Variants in POC1A observed in about 807,000 individuals in gnomAD.
POC1A encodes the protein POC1 centriolar protein A.
POC1A carries 34 observed loss-of-function variants against 47.8 expected under a neutral mutation model. That is an observed-to-expected ratio of 0.71 (90% CI 0.54 to 0.95). POC1A has a LOEUF of 0.95. Among genes scored for constraint, POC1A ranks in the 40% least tolerant of loss-of-function variants. The pLI is 0.00. For synonymous variants in POC1A, 177 were observed against 207.6 expected (o/e 0.85, Z 1.27); for missense variants, 466 against 528.3 (o/e 0.88, Z 1.16).
At chr3:52,081,041 C>G (rs753007996) in intron 10 of POC1A, among the ~76,000 whole-genome samples, 1 of 152,230 alleles carries the variant, frequency 6.6e-6, no homozygotes, top group Non-Finnish European at 1.5e-5. Flanking sequence ...CCTGGGGGCT[C>G]ATTTCTGAAC....
chr3:52,114,260 G>A (rs1703481158), intron 9 of POC1A, among the ~76,000 whole-genome samples: 1 of 152,204 alleles, frequency 6.6e-6, no homozygotes, highest in Admixed American at 6.5e-5. Context: ...CTCATACCAG[G>A]AAGGTGCCTA....
In POC1A at chr3:52,096,580, C is replaced by A; in HGVS notation, c.1114G>T (p.Val372Phe). ...TLEHIVGQLD[V>F]LTQTVSILEQ... ...ACAGTGTGGCCTACCTGAGTGAGGA[C>A]ATCCAGCTGGCCCACAATGTGCTCC... Residue 372 changes from valine to phenylalanine, a missense_variant, in exon 10 of 11, where the codon GTC (valine) becomes TTC (phenylalanine). Coordinates refer to ENST00000296484, the MANE Select transcript of POC1A (RefSeq NM_015426.5). 6.3e-7 allele frequency: 1 copy of A among 1,581,548 alleles called. No homozygotes were observed. Among genetic ancestry groups the A allele is most frequent in the Non-Finnish European group, 8.6e-7 (1 of 1,166,064 alleles).
At chr3:52,095,632 G>A (rs1041827011) in intron 10 of POC1A, among the ~76,000 whole-genome samples, 10 of 152,076 alleles carry the variant, frequency 6.6e-5, no homozygotes, top group African/African-American at 2.4e-4. Context: ...GATCTGCAGA[G>A]TCCCAGCCTG....
chr3:52,127,026 C>T (rs1704028901), intron 7 of POC1A, among the ~76,000 whole-genome samples: 1 of 152,322 alleles, frequency 6.6e-6, no homozygotes, highest in East Asian at 1.9e-4. Flanking sequence ...AAAGACAAAG[C>T]CTCTGGCCTA....
At chr3:52,121,324 T>A (rs1480109944) in intron 9 of POC1A, among the ~76,000 whole-genome samples, 7 of 152,100 alleles carry the variant, frequency 4.6e-5, no homozygotes, top group East Asian at 3.8e-4. Context: ...AAGCAGTGCA[T>A]CATGCAGCCC....
At chr3:52,100,877 G>C (rs988080934) in intron 9 of POC1A, among the ~76,000 whole-genome samples, 2 of 152,086 alleles carry the variant, frequency 1.3e-5, no homozygotes, top group Non-Finnish European at 2.9e-5. Context: ...CTGTAGAAGA[G>C]CATCCTGAAA....
chr3:52,081,485 T>C (rs1254963814), intron 10 of POC1A, among the ~76,000 whole-genome samples: 3 of 151,890 alleles, frequency 2.0e-5, no homozygotes, highest in African/African-American at 7.3e-5. Flanking sequence ...GCATAGACAG[T>C]GGGCTGCACT....
chr3:52,138,480 C>A (rs1698062969), intron 6 of POC1A, among the ~76,000 whole-genome samples, 178 bp from the exon 7 acceptor site: 1 of 152,098 alleles, frequency 6.6e-6, no homozygotes, highest in African/African-American at 2.4e-5. Flanking sequence ...GAGAGGGGCA[C>A]AATCGAAGAA....
At chr3:52,128,071 T>C (rs530852305) in intron 7 of POC1A, among the ~76,000 whole-genome samples, 2 of 152,228 alleles carry the variant, frequency 1.3e-5, no homozygotes, top group East Asian at 1.9e-4. Context: ...ACTACTTTCA[T>C]TGTGAGGAAA....
intron 4 of POC1A, among the ~76,000 whole-genome samples, chr3:52,148,788 A>C (rs1474249980): frequency 6.6e-6 from 1 of 152,238 alleles, no homozygotes; most frequent in Non-Finnish European, 1.5e-5. Flanking sequence ...CTGGGACAAG[A>C]TACTACTGTT....
chr3:52,080,044 T>C (rs1024395689), intron 10 of POC1A, among the ~76,000 whole-genome samples: 3 of 152,198 alleles, frequency 2.0e-5, no homozygotes, highest in African/African-American at 7.2e-5. Context: ...GGGCTTCTCT[T>C]GGCAGCTGAC....
At chr3:52,136,827 C>T (rs1704488078) in intron 7 of POC1A, among the ~76,000 whole-genome samples, 1 of 152,224 alleles carries the variant, frequency 6.6e-6, no homozygotes, top group East Asian at 1.9e-4. Context: ...TTTTAGATCC[C>T]ACATTCAAGT....
intron 7 of POC1A, among the ~76,000 whole-genome samples, chr3:52,126,855 T>C (rs1198634011): frequency 1.3e-5 from 2 of 152,224 alleles, no homozygotes; most frequent in African/African-American, 4.8e-5. Context: ...TATATGGGCA[T>C]GGCCTCAGGA....
intron 9 of POC1A, among the ~76,000 whole-genome samples, chr3:52,118,783 G>A (rs1454485590): frequency 2.0e-5 from 3 of 152,230 alleles, no homozygotes; most frequent in African/African-American, 7.2e-5. Context: ...GAGGCCCAGG[G>A]TGCAGACAGA....
rs1209630156 is a variant in POC1A at position 52,075,562 on chromosome 3, T to C, written c.*325A>G. On this transcript the variant is annotated 3_prime_UTR_variant, in exon 11 of 11. Transcript: ENST00000296484. ...ATCAAGGCATCGTGGAGCCACCTCC[T>C]CCAGAGGGGGAGCCACAATCTCAGG... The C allele has an allele frequency of 4.6e-6, 1 of 219,772 alleles. No individual in the cohort carries two copies. Among genetic ancestry groups the C allele is most frequent in the Non-Finnish European group, 9.4e-6 (1 of 105,950 alleles). 13.6% of individuals were successfully genotyped at this position (219,772 alleles called of 1,614,324 possible). A position where few individuals can be genotyped will look rare whatever the true frequency, so the allele number is the denominator to read the frequency against.
chr3:52,088,747 C>T (rs974146523), intron 10 of POC1A, among the ~76,000 whole-genome samples: 2 of 151,862 alleles, frequency 1.3e-5, no homozygotes, highest in Admixed American at 1.3e-4. Flanking sequence ...TGTGGAGTCC[C>T]CTCCCTTCCT....
In POC1A at chr3:52,151,095, G is replaced by T. The variant is rs1559856226; in HGVS notation, c.24C>A (p.Asp8Glu). Residue 8 changes from aspartate (D) to glutamate (E), a missense_variant, in exon 2 of 11, where the codon GAC (aspartate) becomes GAA (glutamate). Coordinates refer to ENST00000296484, the MANE Select transcript of POC1A (RefSeq NM_015426.5). Reference sequence around the variant, plus strand: ...CCTTAAAATGCCTTTCCAGCGAGGGGTCCTCCTGAGAGAGAGCCAGGGTCA... The same window carrying T: ...CCTTAAAATGCCTTTCCAGCGAGGGTTCCTCCTGAGAGAGAGCCAGGGTCA... MAAPCAE[D>E]PSLERHFKGH... 1 of 1,613,602 alleles carries T rather than the reference G, an allele frequency of 6.2e-7. No homozygotes were observed. The highest frequency in any genetic ancestry group is 8.5e-7 in the Non-Finnish European group (1 of 1,179,700).
chr3:52,152,572 AAAATAAATAAATAAAATAAATAT>A (rs1486438270), intron 1 of POC1A, among the ~76,000 whole-genome samples: 4 of 152,054 alleles, frequency 2.6e-5, no homozygotes, highest in African/African-American at 9.7e-5. Context: ...TCCTAATCAA[AAAATAAATAAATAAAATAAATAT>A]AAATAAATAA....
intron 10 of POC1A, among the ~76,000 whole-genome samples, chr3:52,082,171 G>A (rs541352506): frequency 5.3e-5 from 8 of 152,244 alleles, no homozygotes; most frequent in African/African-American, 1.9e-4. Flanking sequence ...GCCAGTGGGT[G>A]AGGAGGGAAG....
Sources: gnomAD v4.1 joint callset for allele counts (sites outside exome capture counted in the v4.1 genomes callset) on GRCh38, gnomAD v4.1.1 for gene constraint, MANE v1.5 for transcripts, NCBI Gene and HGNC (gene_info 2026-07-23, HGNC 2026-07-21) for gene names.